GABRB1: variants seen among roughly 807,000 people sequenced by gnomAD.
GABRB1 encodes the protein gamma-aminobutyric acid type A receptor subunit beta1, also known as gamma-aminobutyric acid receptor subunit beta-1.
Under a neutral mutation model 51.6 loss-of-function variants are expected in GABRB1, and 17 were observed. The ratio of observed to expected loss-of-function variants is 0.33; its 90% CI spans 0.23 to 0.49. GABRB1 has a LOEUF of 0.49. Among genes scored for constraint, GABRB1 ranks in the 20% least tolerant of loss-of-function variants. The pLI is 0.99. For synonymous variants in GABRB1, 247 were observed against 218.9 expected, an observed-to-expected ratio of 1.13 and a Z score of -1.14; for missense variants, 410 against 600.6, an observed-to-expected ratio of 0.68 and a Z score of 3.32.
intron 3 of GABRB1, among the ~76,000 whole-genome samples, chr4:47,129,679 A>G (rs1488616578): frequency 6.6e-6 from 1 of 152,184 alleles, no homozygotes; most frequent in Non-Finnish European, 1.5e-5. Context: ...GATTTTAGAA[A>G]TCAGTGAAGG....
At chr4:47,267,487 T>C (rs918721112) in intron 4 of GABRB1, among the ~76,000 whole-genome samples, 3 of 151,680 alleles carry the variant, frequency 2.0e-5, no homozygotes, top group Non-Finnish European at 4.4e-5. Flanking sequence ...GACAGTTTCA[T>C]AGAGAATAAG....
intron 3 of GABRB1, among the ~76,000 whole-genome samples, chr4:47,068,849 A>G (rs1161512342): frequency 6.6e-6 from 1 of 152,238 alleles, no homozygotes; most frequent in Non-Finnish European, 1.5e-5. Flanking sequence ...AACTTGCTCG[A>G]TGCAGGCTTG....
At chr4:47,283,356 C>CTT (rs570311247) in intron 4 of GABRB1, among the ~76,000 whole-genome samples, 1 of 77,298 alleles carries the variant, frequency 1.3e-5, no homozygotes, top group Non-Finnish European at 2.4e-5. Flanking sequence ...CTGGTGGCCC[C>CTT]TTTTTTTTTT....
intron 1 of GABRB1, among the ~76,000 whole-genome samples, chr4:47,012,511 C>T: frequency 6.6e-6 from 1 of 152,182 alleles, no homozygotes; most frequent in East Asian, 1.9e-4. Context: ...ATCCATTTCC[C>T]TACAAAGGCT....
Position 47,403,690 on chromosome 4 carries a change from T to C in GABRB1, c.814T>C (p.Ser272Pro). 1 of 1,613,274 alleles carries C rather than the reference T, an allele frequency of 6.2e-7. No homozygotes were observed. Among genetic ancestry groups the C allele is most frequent in the Non-Finnish European group, 8.5e-7 (1 of 1,179,870 alleles). ...WVSFWINYDASAARVALGITT... is the reference protein window; with the variant it reads ...WVSFWINYDAPAARVALGITT... ...GTCTTTTTGGATCAACTATGATGCA[T>C]CTGCAGCCAGAGTCGCACTAGGTAA... Residue 272 changes from serine to proline, a missense_variant, in exon 7 of 9, where the codon TCT becomes CCT. Ser to Pro is a moderately conservative substitution (Grantham distance 74). Coordinates refer to ENST00000295454, the MANE Select transcript of GABRB1 (RefSeq NM_000812.4).
At chr4:47,069,696 T>C (rs1727234451) in intron 3 of GABRB1, among the ~76,000 whole-genome samples, 1 of 152,222 alleles carries the variant, frequency 6.6e-6, no homozygotes, top group African/African-American at 2.4e-5. Context: ...CAAAATCCTC[T>C]ACATTAACAA....
chr4:47,280,296 C>G (rs1373213616), intron 4 of GABRB1, among the ~76,000 whole-genome samples: 2 of 151,870 alleles, frequency 1.3e-5, no homozygotes, highest in African/African-American at 2.4e-5. Context: ...TTCCCCCCCA[C>G]TTTTGTTTTA....
intron 4 of GABRB1, among the ~76,000 whole-genome samples, chr4:47,205,954 A>T (rs1245830944): frequency 6.6e-6 from 1 of 152,074 alleles, no homozygotes; most frequent in Non-Finnish European, 1.5e-5. Flanking sequence ...AGTACAAAAT[A>T]TAGTTCCACA....
chr4:47,262,301 A>C (rs888844880), intron 4 of GABRB1, among the ~76,000 whole-genome samples: 1 of 152,236 alleles, frequency 6.6e-6, no homozygotes, highest in Non-Finnish European at 1.5e-5. Context: ...ACATCTGGCA[A>C]AGGGCTAATA....
intron 4 of GABRB1, among the ~76,000 whole-genome samples, chr4:47,297,470 C>T (rs1483401152): frequency 2.6e-5 from 4 of 151,968 alleles, no homozygotes; most frequent in African/African-American, 9.7e-5. Context: ...TCAGAGAATA[C>T]TACAAACACC....
chr4:47,211,862 G>A (rs1228415585), intron 4 of GABRB1, among the ~76,000 whole-genome samples: 4 of 152,076 alleles, frequency 2.6e-5, no homozygotes, highest in Non-Finnish European at 5.9e-5. Context: ...CCTGATTCCA[G>A]TCTGTTTTTG....
chr4:47,240,556 T>C (rs1214234868), intron 4 of GABRB1, among the ~76,000 whole-genome samples: 1 of 152,180 alleles, frequency 6.6e-6, no homozygotes, highest in African/African-American at 2.4e-5. Flanking sequence ...TGGTACATAA[T>C]TACCCTCTTC....
chr4:47,082,165 C>A (rs1294209349), intron 3 of GABRB1, among the ~76,000 whole-genome samples: 1 of 151,806 alleles, frequency 6.6e-6, no homozygotes, highest in Admixed American at 6.6e-5. Flanking sequence ...GTTGAGGGTC[C>A]CCTGAGCTAT....
At chr4:47,315,105 T>G (rs184105780) in intron 4 of GABRB1, among the ~76,000 whole-genome samples, 4 of 152,078 alleles carry the variant, frequency 2.6e-5, no homozygotes, top group Non-Finnish European at 5.9e-5. Flanking sequence ...ACAGACAACC[T>G]ATAGAATGGG....
intron 3 of GABRB1, among the ~76,000 whole-genome samples, chr4:47,090,214 T>C (rs900615586): frequency 6.6e-6 from 1 of 152,246 alleles, no homozygotes; most frequent in African/African-American, 2.4e-5. Context: ...TCAAAGGGGT[T>C]TGAATGACAT....
intron 5 of GABRB1, among the ~76,000 whole-genome samples, chr4:47,333,193 TTTATATATA>T (rs1725556527): frequency 1.6e-3 from 2 of 1,224 alleles, no homozygotes; most frequent in East Asian, 0.045. Context: ...ACCCATTTTA[TTTATATATA>T]TATATATATA....
chr4:47,300,265 A>AAAATTT (rs1439343223), intron 4 of GABRB1, among the ~76,000 whole-genome samples: 1 of 151,988 alleles, frequency 6.6e-6, no homozygotes, highest in Admixed American at 6.6e-5. Flanking sequence ...AATTAAAATT[A>AAAATTT]AAAAAGTGTT....
chr4:47,347,960 C>G (rs1726165562), intron 5 of GABRB1, among the ~76,000 whole-genome samples: 1 of 152,146 alleles, frequency 6.6e-6, no homozygotes, highest in South Asian at 2.1e-4. Flanking sequence ...CAAAGAAAGA[C>G]TTCTAACATA....
chr4:47,322,566 C>G (rs1396397536), intron 5 of GABRB1, among the ~76,000 whole-genome samples: 1 of 152,074 alleles, frequency 6.6e-6, no homozygotes, highest in African/African-American at 2.4e-5. Context: ...AATGACTTAC[C>G]CAGAGTCACA....
Sources: gnomAD v4.1 joint callset for allele counts (sites outside exome capture counted in the v4.1 genomes callset) on GRCh38, gnomAD v4.1.1 for gene constraint, MANE v1.5 for transcripts, NCBI Gene and HGNC (gene_info 2026-07-23, HGNC 2026-07-21) for gene names.